Variants in NEGR1 observed in about 807,000 individuals in gnomAD.
NEGR1 encodes IgLON family member 4.
NEGR1 carries 10 observed loss-of-function variants against 40.9 expected under a neutral mutation model. The observed-to-expected ratio is 0.24, with a 90% CI of 0.15 to 0.42. The LOEUF is 0.42. Ranked by LOEUF, NEGR1 falls within the 10% of genes least tolerant of loss-of-function variation. The pLI is 1.00. For synonymous variants in NEGR1, 185 were observed against 166.8 expected (o/e 1.11, Z -0.84); for missense variants, 352 against 438.9 (o/e 0.80, Z 1.77).
At chr1:71,790,140 C>A (rs1012136059) in intron 2 of NEGR1, among the ~76,000 whole-genome samples, 2 of 152,022 alleles carry the variant, frequency 1.3e-5, no homozygotes, top group South Asian at 2.1e-4. Context: ...AGCCGTTTGA[C>A]AATTGTTGAC....
chr1:72,149,387 G>C (rs1269461845), intron 1 of NEGR1, among the ~76,000 whole-genome samples: 1 of 152,054 alleles, frequency 6.6e-6, no homozygotes, highest in Admixed American at 6.6e-5. Context: ...AATCATATCA[G>C]TTCATAAAAA....
intron 1 of NEGR1, among the ~76,000 whole-genome samples, chr1:72,228,134 CAACTT>C (rs1270015414): frequency 1.3e-5 from 2 of 152,076 alleles, no homozygotes; most frequent in Non-Finnish European, 2.9e-5. Flanking sequence ...TTTTCTGTGT[CAACTT>C]GACTTTGCCA....
chr1:71,782,899 C>T (rs796073995), intron 2 of NEGR1, among the ~76,000 whole-genome samples: 12 of 152,110 alleles, frequency 7.9e-5, no homozygotes, highest in African/African-American at 2.7e-4. Flanking sequence ...CCATGCAAAC[C>T]CAGAGAAATA....
Position 71,806,082 on chromosome 1 carries a change from C to T in NEGR1, c.410-29785G>A, listed in dbSNP as rs144023658. ...TGAATATTGCAGTGGGCAATAAATACAAAAATACAAAATATTATGAAAAAC... is the reference window on the plus strand; with the variant it reads ...TGAATATTGCAGTGGGCAATAAATATAAAAATACAAAATATTATGAAAAAC... On this transcript the variant is annotated intron_variant, in intron 2 of 6. Coordinates refer to ENST00000357731, the MANE Select transcript of NEGR1 (RefSeq NM_173808.3). Among the ~76,000 whole-genome samples, 350 of 152,030 alleles carry T rather than the reference C, an allele frequency of 2.3e-3. 3 individuals carry two copies. Among genetic ancestry groups the T allele is most frequent in the African/African-American group, 7.3e-3 (301 of 41,508 alleles).
intron 1 of NEGR1, among the ~76,000 whole-genome samples, chr1:72,042,515 A>G (rs1646965154): frequency 1.3e-5 from 2 of 151,970 alleles, no homozygotes; most frequent in South Asian, 4.1e-4. Flanking sequence ...AAGCACAGAG[A>G]GCACCAATGT....
Position 72,274,992 on chromosome 1 carries a change from G to A in NEGR1, c.176+7327C>T, listed in dbSNP as rs200100612. 34 of 1,538,244 alleles carry A rather than the reference G, an allele frequency of 2.2e-5. No homozygotes were observed. The East Asian group carries it at 2.7e-4, about 12-fold the overall frequency. On this transcript the variant is annotated intron_variant, in intron 1 of 6. Coordinates refer to ENST00000357731, the MANE Select transcript of NEGR1 (RefSeq NM_173808.3). ...GGAAGTACATTGCCATAGTTAGTAC[G>A]ACTGTGGAAACCAAGGAGCCTGAGA...
chr1:72,090,531 A>T (rs1273371621), intron 1 of NEGR1, among the ~76,000 whole-genome samples: 1 of 152,138 alleles, frequency 6.6e-6, no homozygotes, highest in Non-Finnish European at 1.5e-5. Context: ...TAATTTTATG[A>T]GTTCAAGAAA....
At chr1:72,081,152 T>G (rs1189147694) in intron 1 of NEGR1, among the ~76,000 whole-genome samples, 1 of 152,100 alleles carries the variant, frequency 6.6e-6, no homozygotes, top group Non-Finnish European at 1.5e-5. Context: ...TGGGCTCAAT[T>G]TAGGAGATAC....
At chr1:71,645,022 A>G (rs1171452460) in intron 4 of NEGR1, among the ~76,000 whole-genome samples, 1 of 152,006 alleles carries the variant, frequency 6.6e-6, no homozygotes, top group Non-Finnish European at 1.5e-5. Flanking sequence ...ACATTTATAC[A>G]GCTCTAAACT....
intron 2 of NEGR1, among the ~76,000 whole-genome samples, chr1:71,821,337 C>G (rs1187874657): frequency 2.0e-5 from 3 of 151,978 alleles, no homozygotes; most frequent in Non-Finnish European, 4.4e-5. Flanking sequence ...GAAATAGAAC[C>G]TGTGAAGCTT....
chr1:72,019,031 A>G (rs1303128401), intron 1 of NEGR1, among the ~76,000 whole-genome samples: 5 of 152,176 alleles, frequency 3.3e-5, no homozygotes, highest in African/African-American at 9.7e-5. Flanking sequence ...AAATCAAGAC[A>G]TATGATTCGA....
chr1:72,125,366 T>C (rs907448492), intron 1 of NEGR1, among the ~76,000 whole-genome samples: 15 of 152,038 alleles, frequency 9.9e-5, no homozygotes, highest in African/African-American at 3.6e-4. Flanking sequence ...AAAATAGCAA[T>C]AACAGAATAA....
intron 6 of NEGR1, among the ~76,000 whole-genome samples, chr1:71,552,502 T>A (rs1648119622): frequency 6.8e-6 from 1 of 148,052 alleles, no homozygotes; most frequent in Admixed American, 6.8e-5. Context: ...GAAGAATATA[T>A]TCTATATATA....
Position 71,936,496 on chromosome 1 carries a change from T to C in NEGR1, c.177-1185A>G, listed in dbSNP as rs75194934. Among the ~76,000 whole-genome samples, 1,033 of 152,254 alleles carry C rather than the reference T, an allele frequency of 6.8e-3. 15 individuals carry two copies. Among genetic ancestry groups the C allele is most frequent in the African/African-American group, 0.023 (974 of 41,558 alleles). On this transcript the variant is annotated intron_variant, in intron 1 of 6. Transcript: ENST00000357731. The stretch of plus-strand genomic sequence containing the variant: ...AAAGAGAGTTACTTGACTCAGGGCG[T>C]TGAAGGCATAAAGGCCTTCTGAAAT...
intron 2 of NEGR1, among the ~76,000 whole-genome samples, chr1:71,779,357 C>T (rs1005053012): frequency 6.6e-6 from 1 of 152,098 alleles, no homozygotes. Flanking sequence ...AATTAAAAGA[C>T]AGAAGCGGAT....
chr1:71,603,124 A>G lies in NEGR1; in HGVS notation c.788+7902T>C, dbSNP rs143622503. ...TTCAAGAACTTTTCTTTCCTTTTCAAGTTATCTCACAGATTAATGAAGAAG... is the reference window on the plus strand; with the variant it reads ...TTCAAGAACTTTTCTTTCCTTTTCAGGTTATCTCACAGATTAATGAAGAAG... On this transcript the variant is annotated intron_variant, in intron 5 of 6. Coordinates refer to ENST00000357731, the MANE Select transcript of NEGR1 (RefSeq NM_173808.3). Among the ~76,000 whole-genome samples, 584 of 152,362 alleles carry G rather than the reference A, an allele frequency of 3.8e-3. 4 individuals are homozygous for G. The highest frequency in any genetic ancestry group is 0.014 in the African/African-American group (562 of 41,584).
intron 1 of NEGR1, among the ~76,000 whole-genome samples, chr1:72,016,725 CCCTG>C (rs1337152316): frequency 6.6e-6 from 1 of 152,080 alleles, no homozygotes; most frequent in Non-Finnish European, 1.5e-5. Flanking sequence ...CTCTAAAAAC[CCCTG>C]CACTGCTCTT....
At chr1:71,437,074 A>G (rs1291403431) in intron 6 of NEGR1, among the ~76,000 whole-genome samples, 1 of 152,098 alleles carries the variant, frequency 6.6e-6, no homozygotes, top group Non-Finnish European at 1.5e-5. Flanking sequence ...TAAAAACACT[A>G]TAGGCACATA....
intron 4 of NEGR1, among the ~76,000 whole-genome samples, chr1:71,624,184 G>A (rs1650695580): frequency 6.6e-6 from 1 of 151,876 alleles, no homozygotes; most frequent in Non-Finnish European, 1.5e-5. Flanking sequence ...CAATGTCATT[G>A]AGAAACATTT....
Sources: gnomAD v4.1 joint callset for allele counts (sites outside exome capture counted in the v4.1 genomes callset) on GRCh38, gnomAD v4.1.1 for gene constraint, MANE v1.5 for transcripts, NCBI Gene and HGNC (gene_info 2026-07-23, HGNC 2026-07-21) for gene names.